The following IGF2BP3 variants were observed in gnomAD, a reference collection of about 807,000 sequenced individuals.
IGF2BP3 encodes the protein insulin-like growth factor 2 mRNA-binding protein 3.
In IGF2BP3, 9 loss-of-function variants were observed where a neutral mutation model predicts 73.8. The ratio of observed to expected loss-of-function variants is 0.12; its 90% CI spans 0.07 to 0.21. IGF2BP3 has a LOEUF of 0.21. IGF2BP3 is among the 10% of genes least tolerant of loss of function. The pLI is 1.00. For synonymous variants in IGF2BP3, 258 were observed against 256.7 expected (o/e 1.01, Z -0.05); for missense variants, 542 against 714.0 (o/e 0.76, Z 2.75).
chr7:23,345,900 G>A (rs1365357812), intron 8 of IGF2BP3, 40 bp downstream of exon 8: 2 of 1,601,608 alleles, frequency 1.2e-6, no homozygotes, highest in Non-Finnish European at 1.7e-6. Flanking sequence ...AGCTTACAGT[G>A]TTGGAAAGTT....
intron 5 of IGF2BP3, among the ~76,000 whole-genome samples, chr7:23,359,761 C>G (rs553353345): frequency 3.9e-5 from 6 of 152,152 alleles, no homozygotes; most frequent in Non-Finnish European, 7.4e-5. Flanking sequence ...AATATGGAGC[C>G]TCTGCTTTCT....
At chr7:23,367,606 T>C (rs1266736522) in intron 3 of IGF2BP3, among the ~76,000 whole-genome samples, 1 of 152,126 alleles carries the variant, frequency 6.6e-6, no homozygotes, top group Non-Finnish European at 1.5e-5. Flanking sequence ...GGAAGGGGTA[T>C]AAATGCAAAG....
chr7:23,367,367 C>T (rs1028075967), intron 3 of IGF2BP3, among the ~76,000 whole-genome samples: 1 of 151,854 alleles, frequency 6.6e-6, no homozygotes, highest in African/African-American at 2.4e-5. Context: ...GTTTTTGTCT[C>T]CTAGATTCTT....
chr7:23,354,613 C>A (rs1583925552), intron 5 of IGF2BP3, among the ~76,000 whole-genome samples: 1 of 152,202 alleles, frequency 6.6e-6, no homozygotes, highest in Non-Finnish European at 1.5e-5. Context: ...TAAATAGTCA[C>A]ATGTATCACA....
chr7:23,350,596 T>G (rs1342764920), intron 6 of IGF2BP3, among the ~76,000 whole-genome samples: 2 of 152,262 alleles, frequency 1.3e-5, no homozygotes, highest in Non-Finnish European at 2.9e-5. Flanking sequence ...TAGATACACA[T>G]GAAAGGCTTC....
At chr7:23,454,360 T>A (rs912727152) in intron 2 of IGF2BP3, among the ~76,000 whole-genome samples, 1 of 152,182 alleles carries the variant, frequency 6.6e-6, no homozygotes, top group East Asian at 1.9e-4. Flanking sequence ...TCACAGTGCA[T>A]AACCCATATT....
At chr7:23,430,039 CAGA>C (rs1310506228) in intron 2 of IGF2BP3, among the ~76,000 whole-genome samples, 1 of 151,608 alleles carries the variant, frequency 6.6e-6, no homozygotes, top group Admixed American at 6.6e-5. Context: ...CAGCTGATGA[CAGA>C]AGGAGAAAAC....
At chr7:23,449,271 A>G (rs887738507) in intron 2 of IGF2BP3, among the ~76,000 whole-genome samples, 2 of 152,000 alleles carry the variant, frequency 1.3e-5, no homozygotes, top group African/African-American at 2.4e-5. Flanking sequence ...AAATCCCAGC[A>G]CTTTGGGAGA....
chr7:23,320,514 C>T (rs1291247692), intron 10 of IGF2BP3, among the ~76,000 whole-genome samples: 1 of 152,058 alleles, frequency 6.6e-6, no homozygotes, highest in Admixed American at 6.6e-5. Context: ...ATGCATTTTC[C>T]ACTTTGTTTA....
Position 23,469,087 on chromosome 7 carries a change from C to G in IGF2BP3, c.176-545G>C, listed in dbSNP as rs867371506. 2.1e-4 allele frequency: 34 copies of G among 162,648 alleles called. No homozygotes were observed. Among genetic ancestry groups the G allele is most frequent in the Middle Eastern group, 3.2e-3 (1 of 314 alleles). The allele number at this position is 162,648 out of a possible 1,614,324, so 10.1% of individuals were successfully genotyped here. On this transcript the variant is annotated intron_variant, in intron 1 of 14. Coordinates refer to ENST00000258729, the MANE Select transcript of IGF2BP3 (RefSeq NM_006547.3). This position sits in a 1 kb window ranked among gnomAD's most constrained non-coding sequence, Gnocchi z 6.1. The stretch of plus-strand genomic sequence containing the variant: ...GCAGCTCGGCACAGGCTGAACCAGG[C>G]GCGAAGGACGGCGAGGCGCCCGCAC...
intron 3 of IGF2BP3, among the ~76,000 whole-genome samples, chr7:23,417,980 C>CA (rs2128535121): frequency 6.6e-6 from 1 of 152,274 alleles, no homozygotes; most frequent in East Asian, 1.9e-4. Context: ...CTTGGAGAAT[C>CA]AGACTTAGAT....
intron 2 of IGF2BP3, among the ~76,000 whole-genome samples, chr7:23,426,672 T>A (rs1369592373): frequency 6.6e-6 from 1 of 152,234 alleles, no homozygotes; most frequent in East Asian, 1.9e-4. Flanking sequence ...CTGTTCCCTA[T>A]AAAGTTGTAG....
At position 23,347,706 on chromosome 7, in the gene IGF2BP3, C is replaced by T. The variant is rs773405940; in HGVS notation, c.712G>A (p.Gly238Arg). ...ATAGTAATCGACTTCTCAGCAGCCC[C>T]CGCATTTTCTTTACGGTGGACATCG... is the stretch of plus-strand genomic sequence containing the variant. ...KIDVHRKENAGAAEKSITILS... is the reference protein window; with the variant it reads ...KIDVHRKENARAAEKSITILS... The change falls in exon 7 of 15, where the codon GGG becomes AGG. Residue 238 changes from glycine (G) to arginine (R), a missense_variant. Gly to Arg is a moderately radical substitution (Grantham distance 125). Transcript: ENST00000258729. 1 of 1,614,048 alleles carries T rather than the reference C, an allele frequency of 6.2e-7. No individual in the cohort carries two copies. The highest frequency in any genetic ancestry group is 1.3e-5 in the African/African-American group (1 of 74,992).
rs140331872 is a variant in IGF2BP3, at chr7:23,322,055, C to G, written c.1204-2801G>C. On this transcript the variant is annotated intron_variant, in intron 10 of 14. Coordinates refer to ENST00000258729, the MANE Select transcript of IGF2BP3 (RefSeq NM_006547.3). ...AAGGAACACAGTTCCTCACCAGCAA[C>G]AGAGCAAAGCTGGACGGAGAGTGAC... 2.1e-3 allele frequency among the ~76,000 whole-genome samples: 318 copies of G among 152,340 alleles called. 1 individual carries two copies. The East Asian group carries it at 0.026, about 13-fold the overall frequency.
In IGF2BP3 at chr7:23,470,419, GAAA is replaced by G. The variant is rs1286230500; in HGVS notation, c.-312_-310del. ...GCAAGAGAAAGGAGGAGGAGGAGGG[GAAA>G]AAACTACTTTTTGTCTCTTCCTTCC... On this transcript the variant is annotated 5_prime_UTR_variant, in exon 1 of 15. Coordinates refer to ENST00000258729, the MANE Select transcript of IGF2BP3 (RefSeq NM_006547.3). 3 of 186,088 alleles carry G rather than the reference GAAA, an allele frequency of 1.6e-5. No homozygotes were observed. The highest frequency in any genetic ancestry group is 3.3e-5 in the Non-Finnish European group (3 of 90,794). 11.5% of individuals were successfully genotyped at this position (186,088 alleles called of 1,614,324 possible).
Position 23,317,805 on chromosome 7 carries a change from T to C in IGF2BP3, c.1321-92A>G. 3.9e-6 allele frequency: 4 copies of C among 1,015,792 alleles called. No individual in the cohort carries two copies. The South Asian group carries it at 5.1e-5, about 13-fold the overall frequency. The allele number at this position is 1,015,792 out of a possible 1,614,324, so 62.9% of individuals were successfully genotyped here. On this transcript the variant is annotated intron_variant, in intron 11 of 14. Coordinates refer to ENST00000258729, the MANE Select transcript of IGF2BP3 (RefSeq NM_006547.3). ...AGCCTAACATTTGCATGTGACTGGC[T>C]GAAATGCAGAATTAAAGCCTTCGTG...
chr7:23,431,715 A>G (rs767843417), intron 2 of IGF2BP3, among the ~76,000 whole-genome samples: 4 of 152,182 alleles, frequency 2.6e-5, no homozygotes, highest in Non-Finnish European at 5.9e-5. Flanking sequence ...AGAACCACCT[A>G]TGTTAGAATC....
chr7:23,446,649 C>T (rs1284879897), intron 2 of IGF2BP3, among the ~76,000 whole-genome samples: 1 of 152,152 alleles, frequency 6.6e-6, no homozygotes, highest in African/African-American at 2.4e-5. Flanking sequence ...GTGACAGTTG[C>T]TGACAAGAAT....
At chr7:23,313,238 GTGTC>G (rs1232692883) in intron 13 of IGF2BP3, among the ~76,000 whole-genome samples, 1 of 152,182 alleles carries the variant, frequency 6.6e-6, no homozygotes, top group African/African-American at 2.4e-5. Context: ...TTCCTGTTAA[GTGTC>G]TGTTCCATAA....
Sources: gnomAD v4.1 joint callset for allele counts (sites outside exome capture counted in the v4.1 genomes callset) on GRCh38, gnomAD v4.1.1 for gene constraint, Gnocchi (gnomAD v3.1) non-coding constraint, MANE v1.5 for transcripts, NCBI Gene and HGNC (gene_info 2026-07-23, HGNC 2026-07-21) for gene names.